Variants in PSMA6 observed in about 807,000 individuals in gnomAD.
The protein encoded by PSMA6 is proteasome 20S subunit alpha 6, also known as proteasome subunit alpha type-6.
For missense variants in PSMA6, 170 were observed against 294.8 expected (o/e 0.58, Z 3.10); for synonymous variants, 88 against 97.7 (o/e 0.90, Z 0.59).
chr14:35,304,333 C>T (rs2051779660), intron 1 of PSMA6, among the ~76,000 whole-genome samples: 1 of 152,098 alleles, frequency 6.6e-6, no homozygotes. Context: ...AAATACTGTG[C>T]CATTTTATAT....
chr14:35,278,599 C>T (rs1365389340), upstream of PSMA6: 7 of 1,270,404 alleles, frequency 5.5e-6, no homozygotes, highest in East Asian at 2.5e-5. Context: ...AATTCCCTGA[C>T]GATTCCATCC....
intron 3 of PSMA6, chr14:35,310,357 T>C: frequency 2.9e-6 from 1 of 347,810 alleles, no homozygotes; most frequent in Non-Finnish European, 5.6e-6. Context: ...GATTTAGCCA[T>C]GTTGGCCAGG....
At chr14:35,289,009 T>G (rs1054812611), upstream of PSMA6, among the ~76,000 whole-genome samples, 2 of 152,218 alleles carry the variant, frequency 1.3e-5, no homozygotes, top group Non-Finnish European at 2.9e-5. Flanking sequence ...TTAGTGTAGT[T>G]TATGTGTGGC....
intron 1 of PSMA6, among the ~76,000 whole-genome samples, chr14:35,281,570 A>G (rs2051366442): frequency 6.6e-6 from 1 of 152,190 alleles, no homozygotes; most frequent in Non-Finnish European, 1.5e-5. Flanking sequence ...CTCCACAATT[A>G]TATAAAAAAT....
In PSMA6 at chr14:35,314,467, T is replaced by G. The variant is rs774284791; in HGVS notation, c.683+12T>G. Reference sequence around the variant, plus strand: ...AATCCTAAATTCAGGTGAGTGATATTGTGGGCCACATGCAGACTAGAAAGG... The same window carrying G: ...AATCCTAAATTCAGGTGAGTGATATGGTGGGCCACATGCAGACTAGAAAGG... On this transcript the variant is annotated intron_variant, in intron 6 of 6. Transcript: ENST00000261479. The G allele has an allele frequency of 1.7e-5, 28 of 1,607,178 alleles. No homozygotes were observed. In the African/African-American group the frequency reaches 3.6e-4, roughly 21 times the overall value.
chr14:35,284,894 AT>A, intron 1 of PSMA6, among the ~76,000 whole-genome samples: 1 of 152,236 alleles, frequency 6.6e-6, no homozygotes, highest in East Asian at 1.9e-4. Context: ...CTTGTAAGAC[AT>A]CATCCCAGAG....
intron 1 of PSMA6, among the ~76,000 whole-genome samples, chr14:35,284,105 T>C (rs2051396762): frequency 6.6e-6 from 1 of 152,198 alleles, no homozygotes; most frequent in Non-Finnish European, 1.5e-5. Flanking sequence ...TCCAACTAGA[T>C]AGAGCATAAA....
At chr14:35,310,556 AT>A (rs1249127367) in intron 3 of PSMA6, among the ~76,000 whole-genome samples, 183 bp from the exon 4 acceptor site, 5 of 151,966 alleles carry the variant, frequency 3.3e-5, no homozygotes, top group Non-Finnish European at 7.4e-5. Context: ...ATGTTTTTAA[AT>A]TTTTTTCATA....
At chr14:35,288,769 T>G (rs894364701), upstream of PSMA6, among the ~76,000 whole-genome samples, 2 of 152,180 alleles carry the variant, frequency 1.3e-5, no homozygotes, top group African/African-American at 2.4e-5. Context: ...ATGTGTGATT[T>G]GAAATATCCC....
intron 1 of PSMA6, chr14:35,293,185 T>A: frequency 2.9e-6 from 1 of 344,838 alleles, no homozygotes; most frequent in Admixed American, 3.7e-5. Flanking sequence ...GTGACTCAAT[T>A]CTAGAGCTGC....
chr14:35,304,178 G>T (rs944573515), intron 1 of PSMA6, among the ~76,000 whole-genome samples: 5 of 151,940 alleles, frequency 3.3e-5, no homozygotes, highest in African/African-American at 1.2e-4. Flanking sequence ...TCACCATGTC[G>T]GCCAGGATGG....
intron 4 of PSMA6, chr14:35,312,634 G>T: frequency 2.5e-6 from 1 of 406,536 alleles, no homozygotes; most frequent in Non-Finnish European, 4.3e-6. Flanking sequence ...TTTTTAAATT[G>T]TATTTGTAAT....
At chr14:35,308,247 C>A in intron 2 of PSMA6, 159 bp downstream of exon 2, 2 of 828,200 alleles carry the variant, frequency 2.4e-6, no homozygotes, top group Non-Finnish European at 3.5e-6. Flanking sequence ...CATGGAGAAA[C>A]CCTGTCTCTA....
chr14:35,304,747 T>C (rs2051791009), intron 1 of PSMA6, among the ~76,000 whole-genome samples: 3 of 150,978 alleles, frequency 2.0e-5, no homozygotes, highest in Non-Finnish European at 4.4e-5. Flanking sequence ...AAAAAAGTTA[T>C]TTGTAGTGTA....
chr14:35,309,417 A>C (rs968661835), intron 3 of PSMA6, among the ~76,000 whole-genome samples: 1 of 152,174 alleles, frequency 6.6e-6, no homozygotes, highest in Admixed American at 6.5e-5. Context: ...TGGGAGGCCA[A>C]GGTGAGAGGA....
At chr14:35,284,506 A>T (rs535759164) in intron 1 of PSMA6, among the ~76,000 whole-genome samples, 11 of 152,174 alleles carry the variant, frequency 7.2e-5, no homozygotes, top group African/African-American at 2.6e-4. Flanking sequence ...ATCTCCATGG[A>T]ACTCTGGTGG....
chr14:35,279,661 A>C (rs1263702886), intron 1 of PSMA6, among the ~76,000 whole-genome samples: 4 of 152,224 alleles, frequency 2.6e-5, no homozygotes, highest in Non-Finnish European at 5.9e-5. Context: ...AACTCTGGTC[A>C]GGCCATGTTT....
intron 1 of PSMA6, among the ~76,000 whole-genome samples, chr14:35,282,450 A>T (rs1441411999): frequency 6.6e-6 from 1 of 152,058 alleles, no homozygotes; most frequent in South Asian, 2.1e-4. Flanking sequence ...TTTTACAGAC[A>T]GGGTCTCACT....
chr14:35,308,263 A>T, intron 2 of PSMA6, 175 bp downstream of exon 2: 1 of 703,258 alleles, frequency 1.4e-6, no homozygotes. Flanking sequence ...CTCTATTAAA[A>T]ATACAAAATT....
Sources: gnomAD v4.1 joint callset for allele counts (sites outside exome capture counted in the v4.1 genomes callset) on GRCh38, gnomAD v4.1.1 for gene constraint, MANE v1.5 for transcripts, NCBI Gene and HGNC (gene_info 2026-07-23, HGNC 2026-07-21) for gene names.